RFX6: variants seen among roughly 807,000 people sequenced by gnomAD.
The protein encoded by RFX6 is regulatory factor X6.
A neutral mutation model predicts 110.8 loss-of-function variants in RFX6; 50 were observed. The ratio of observed to expected loss-of-function variants is 0.45; its 90% confidence interval spans 0.36 to 0.57. RFX6 has a LOEUF of 0.57. RFX6 is among the 20% of genes least tolerant of loss of function. RFX6 has a pLI of 0.00. For missense variants in RFX6, 990 were observed against 1,127.0 expected, an observed-to-expected ratio of 0.88 and a Z score of 1.74; for synonymous variants, 383 against 411.2, an observed-to-expected ratio of 0.93 and a Z score of 0.83.
At chr6:116,917,152 T>C (rs977566514) in intron 9 of RFX6, among the ~76,000 whole-genome samples, 2 of 152,042 alleles carry the variant, frequency 1.3e-5, no homozygotes, top group African/African-American at 4.8e-5. Context: ...ATAAACTAAG[T>C]CCAGAAGCCC....
At chr6:116,878,827 T>G (rs1774525181) in intron 2 of RFX6, among the ~76,000 whole-genome samples, 1 of 151,746 alleles carries the variant, frequency 6.6e-6, no homozygotes, top group South Asian at 2.1e-4. Context: ...AAATTTTATT[T>G]TTATTATTTA....
chr6:116,921,344 C>T (rs1775590623), intron 12 of RFX6, among the ~76,000 whole-genome samples: 1 of 152,148 alleles, frequency 6.6e-6, no homozygotes, highest in Non-Finnish European at 1.5e-5. Flanking sequence ...AAGAAATTAA[C>T]TTTTACTAAA....
chr6:116,910,786 A>G (rs2114688293), intron 6 of RFX6, 149 bp from the exon 7 acceptor site: 3 of 688,360 alleles, frequency 4.4e-6, no homozygotes, highest in Non-Finnish European at 8.0e-6. Flanking sequence ...CAGTTACACA[A>G]TCTAAACAGT....
chr6:116,924,221 A>T (rs1327622778), intron 14 of RFX6, among the ~76,000 whole-genome samples: 1 of 152,242 alleles, frequency 6.6e-6, no homozygotes, highest in African/African-American at 2.4e-5. Context: ...TTCAGGCTAG[A>T]AAGATATCTC....
chr6:116,892,352 G>C (rs1582514906), intron 4 of RFX6, among the ~76,000 whole-genome samples: 1 of 152,156 alleles, frequency 6.6e-6, no homozygotes. Flanking sequence ...TCCATAGCCT[G>C]AGTGAATGTG....
chr6:116,909,509 G>T (rs533693214), intron 6 of RFX6, among the ~76,000 whole-genome samples: 11 of 151,802 alleles, frequency 7.2e-5, no homozygotes, highest in African/African-American at 2.7e-4. Flanking sequence ...AAATGGAAAA[G>T]CCAAGCATTG....
chr6:116,922,426 C>T (rs1178252547), intron 13 of RFX6, among the ~76,000 whole-genome samples: 2 of 152,170 alleles, frequency 1.3e-5, no homozygotes, highest in African/African-American at 4.8e-5. Flanking sequence ...AACATTACAG[C>T]TGAGTAACAT....
intron 12 of RFX6, among the ~76,000 whole-genome samples, chr6:116,921,234 A>T (rs1775587934): frequency 6.6e-6 from 1 of 152,242 alleles, no homozygotes; most frequent in African/African-American, 2.4e-5. Flanking sequence ...TTTGAGATTC[A>T]GTAAACCTTA....
Position 116,927,183 on chromosome 6 carries a change from A to G in RFX6, c.2042A>G (p.Tyr681Cys), listed in dbSNP as rs1245158532. 5.0e-6 allele frequency: 8 copies of G among 1,614,106 alleles called. No homozygotes were observed. Among genetic ancestry groups the G allele is most frequent in the South Asian group, 3.3e-5 (3 of 91,070 alleles). Residue 681 changes from tyrosine (Y) to cysteine (C), a missense_variant, in exon 17 of 19, where the codon TAC becomes TGC. This residue lies in a region of RFX6 where 438 missense variants were observed against 441.9 expected (regional missense o/e 0.99). Transcript: ENST00000332958. ...VLSAPSHCSTYPEPIYPTLPQ... is the reference protein window; with the variant it reads ...VLSAPSHCSTCPEPIYPTLPQ... ...TCAGCTCCATCACACTGCTCCACAT[A>G]CCCAGAGCCCATTTATCCCACTCTC...
In RFX6 at chr6:116,928,075, T is replaced by C. The variant is rs1245626045; in HGVS notation, c.2398+536T>C. Among the ~76,000 whole-genome samples, 60 of 62,096 alleles carry C rather than the reference T, an allele frequency of 9.7e-4. 1 individual carries two copies. The highest frequency in any genetic ancestry group is 9.6e-3 in the Admixed American group (53 of 5,502). The allele number at this position is 62,096 out of a possible 152,430, so 40.7% of individuals were successfully genotyped here. ...TAAAGCTGTCCTCCTAAATACCGCA[T>C]ATGTTAAAAAAAAAAAAAAGATAGT... On this transcript the variant is annotated intron_variant, in intron 17 of 18. Transcript: ENST00000332958.
In RFX6 at chr6:116,931,173, G is replaced by GA. The variant is rs749076539; in HGVS notation, c.2612-152dup. Among the ~76,000 whole-genome samples, 3 of 152,132 alleles carry GA rather than the reference G, an allele frequency of 2.0e-5. No homozygotes were observed. The South Asian group carries it at 6.2e-4, about 31-fold the overall frequency. On this transcript the variant is annotated intron_variant, in intron 18 of 18. Transcript: ENST00000332958. Reference sequence around the variant, plus strand: ...GACTAGCAAGTGGGAACAAATGGAAGAAAAAATGATTGCTCTGGTAAACCA... The same window carrying GA: ...GACTAGCAAGTGGGAACAAATGGAAGAAAAAAATGATTGCTCTGGTAAACCA...
intron 4 of RFX6, among the ~76,000 whole-genome samples, chr6:116,891,114 A>G (rs1238437936): frequency 6.6e-6 from 1 of 152,202 alleles, no homozygotes; most frequent in Non-Finnish European, 1.5e-5. Context: ...TCACTTTTCC[A>G]TGACAGCAGG....
At chr6:116,905,641 C>T (rs1442503858) in intron 6 of RFX6, among the ~76,000 whole-genome samples, 1 of 151,622 alleles carries the variant, frequency 6.6e-6, no homozygotes, top group African/African-American at 2.4e-5. Flanking sequence ...CAACCTCTGC[C>T]TCCCGTGTTC....
At position 116,877,583 on chromosome 6, in the gene RFX6, A is replaced by G. The variant is rs1342720093; in HGVS notation, c.223+85A>G. 9 of 1,147,480 alleles carry G rather than the reference A, an allele frequency of 7.8e-6. No homozygotes were observed. In the Admixed American group the frequency reaches 2.2e-4, roughly 28 times the overall value. The allele number at this position is 1,147,480 out of a possible 1,614,324, so 71.1% of individuals were successfully genotyped here. ...ACCCAATAATAATAATGCATCCCGA[A>G]CAAACATAAGGCAGATATAGAATGT... On this transcript the variant is annotated intron_variant, in intron 1 of 18. Transcript: ENST00000332958.
intron 4 of RFX6, among the ~76,000 whole-genome samples, chr6:116,892,068 T>C (rs561841468): frequency 3.3e-5 from 5 of 152,350 alleles, no homozygotes; most frequent in South Asian, 4.1e-4. Context: ...TCATAAAATA[T>C]CTTCATTTAC....
intron 12 of RFX6, 33 bp from the exon 13 acceptor site, chr6:116,922,009 C>G: frequency 2.0e-6 from 2 of 994,522 alleles, no homozygotes; most frequent in Non-Finnish European, 3.1e-6. Flanking sequence ...ATTCTGTTTT[C>G]TTTTCTTTCT....
intron 4 of RFX6, among the ~76,000 whole-genome samples, chr6:116,889,703 G>A (rs1774777881): frequency 6.6e-6 from 1 of 152,090 alleles, no homozygotes; most frequent in Non-Finnish European, 1.5e-5. Context: ...CTGTGATAGG[G>A]TTAAAGGAGT....
At chr6:116,896,872 G>A (rs1774959374) in intron 6 of RFX6, among the ~76,000 whole-genome samples, 1 of 152,168 alleles carries the variant, frequency 6.6e-6, no homozygotes, top group Admixed American at 6.5e-5. Context: ...AGATGTATTT[G>A]CTTTTTTAAG....
In RFX6 at chr6:116,931,516, G is replaced by T. The variant is rs747788692; in HGVS notation, c.*10G>T. 1 of 1,601,652 alleles carries T rather than the reference G, an allele frequency of 6.2e-7. No individual in the cohort carries two copies. Among genetic ancestry groups the T allele is most frequent in the Non-Finnish European group, 8.5e-7 (1 of 1,169,866 alleles). ...AGCTGGAGGCACTTAAACCACCAAT[G>T]TGGGAGGGGGTGCTAAAACTTTAAA... is the stretch of plus-strand genomic sequence containing the variant. On this transcript the variant is annotated 3_prime_UTR_variant, in exon 19 of 19. Transcript: ENST00000332958.
Sources: allele counts gnomAD v4.1 joint callset (sites outside exome capture counted in the v4.1 genomes callset), GRCh38; gene constraint gnomAD v4.1.1; regional missense constraint gnomAD v4.1.1; transcripts MANE v1.5; gene names NCBI Gene and HGNC (gene_info 2026-07-23, HGNC 2026-07-21).